Variants in MAN1C1 observed in about 807,000 individuals in gnomAD.
The protein encoded by MAN1C1 is mannosidase alpha class 1C member 1, also known as mannosyl-oligosaccharide 1,2-alpha-mannosidase IC.
Under a neutral mutation model 71.5 loss-of-function variants are expected in MAN1C1, and 49 were observed. The observed-to-expected ratio is 0.69, with a 90% CI of 0.54 to 0.87. The LOEUF (loss-of-function observed/expected upper bound fraction) is 0.87, where lower values mean the gene tolerates loss of function less well. Ranked by LOEUF, MAN1C1 falls within the 40% of genes least tolerant of loss-of-function variation. MAN1C1 has a pLI of 0.00. For missense variants in MAN1C1, 743 were observed against 835.0 expected (o/e 0.89, Z 1.36); for synonymous variants, 352 against 343.7 (o/e 1.02, Z -0.27).
intron 2 of MAN1C1, among the ~76,000 whole-genome samples, chr1:25,719,620 G>T (rs895497117): frequency 6.6e-6 from 1 of 151,134 alleles, no homozygotes; most frequent in Non-Finnish European, 1.5e-5. Context: ...TAGAGACAGG[G>T]TTTCACAATG....
In MAN1C1 at chr1:25,631,450, A is replaced by T. The variant is rs1236558391; in HGVS notation, c.540+13113A>T. Among the ~76,000 whole-genome samples the T allele has an allele frequency of 6.6e-6, 1 of 152,140 alleles. No homozygotes were observed. The highest frequency in any genetic ancestry group is 1.5e-5 in the Non-Finnish European group (1 of 68,022). On this transcript the variant is annotated intron_variant, in intron 1 of 11. Transcript: ENST00000374332. The surrounding 1 kb of genome is among the most constrained non-coding windows in gnomAD (Gnocchi z 4.2). ...TGGTTTGTTGAGAGTTTTTTTTATC[A>T]TAAAAGGATGCTGGATCTTATTGAA... is the stretch of plus-strand genomic sequence containing the variant.
At chr1:25,681,693 A>G (rs2046157007) in intron 1 of MAN1C1, among the ~76,000 whole-genome samples, 3 of 152,190 alleles carry the variant, frequency 2.0e-5, no homozygotes, top group South Asian at 2.1e-4. Flanking sequence ...TGGTAACTCC[A>G]TATTTAACTT....
intron 2 of MAN1C1, among the ~76,000 whole-genome samples, chr1:25,744,954 C>G (rs1353927474): frequency 2.6e-5 from 4 of 152,226 alleles, no homozygotes; most frequent in African/African-American, 7.2e-5. Flanking sequence ...GGGTTACACT[C>G]TGGTCCCTAA....
intron 2 of MAN1C1, among the ~76,000 whole-genome samples, chr1:25,740,442 T>TGTC (rs1296355315): frequency 2.2e-4 from 33 of 151,940 alleles, no homozygotes; most frequent in African/African-American, 8.0e-4. Flanking sequence ...TTGTTGTTGT[T>TGTC]GTCGTTGTTG....
At chr1:25,704,275 A>G (rs2046487536) in intron 2 of MAN1C1, among the ~76,000 whole-genome samples, 4 of 152,318 alleles carry the variant, frequency 2.6e-5, no homozygotes, top group East Asian at 3.9e-4. Flanking sequence ...TTTGGAGAAC[A>G]GCTCTGCAAT....
At chr1:25,754,718 G>T (rs563345572) in intron 5 of MAN1C1, among the ~76,000 whole-genome samples, 1 of 152,236 alleles carries the variant, frequency 6.6e-6, no homozygotes, top group East Asian at 1.9e-4. Context: ...CCCTCCCCGG[G>T]TCTGGGGTAG....
At chr1:25,774,517 C>T (rs995935474) in intron 8 of MAN1C1, among the ~76,000 whole-genome samples, 4 of 152,182 alleles carry the variant, frequency 2.6e-5, no homozygotes, top group Non-Finnish European at 4.4e-5. Flanking sequence ...TTGCCTGAAA[C>T]CCCTCCCGCG....
In MAN1C1 at chr1:25,771,768, T is replaced by C. The variant is rs758699719; in HGVS notation, c.1253T>C (p.Leu418Ser). 2.7e-5 allele frequency: 43 copies of C among 1,611,320 alleles called. No individual in the cohort carries two copies. The highest frequency in any genetic ancestry group is 3.7e-5 in the Non-Finnish European group (43 of 1,177,646). Reference sequence around the variant, plus strand: ...GCTAAAAATATGTACTACGAAGCCTTGGAGGTAAGACAAGCCCTGGATTAT... The same window carrying C: ...GCTAAAAATATGTACTACGAAGCCTCGGAGGTAAGACAAGCCCTGGATTAT... ...MEAKNMYYEA[L>S]EAIETYLLNV... The change falls in exon 8 of 12, where the codon TTG becomes TCG. Residue 418 changes from leucine (L) to serine (S), a missense_variant. By Grantham distance (145) the Leu-to-Ser change is moderately radical (BLOSUM62 -2). Transcript: ENST00000374332.
intron 1 of MAN1C1, among the ~76,000 whole-genome samples, chr1:25,682,853 C>A (rs1052019375): frequency 1.3e-5 from 2 of 152,012 alleles, no homozygotes; most frequent in African/African-American, 2.4e-5. Flanking sequence ...ACCTGGCCAA[C>A]ATGGTGAAAC....
rs140242115 is a variant in MAN1C1, at chr1:25,775,857, T to G, written c.1258-2248T>G. 9 of 152,666 alleles carry G rather than the reference T, an allele frequency of 5.9e-5. No homozygotes were observed. Among genetic ancestry groups the G allele is most frequent in the African/African-American group, 2.2e-4 (9 of 41,560 alleles). 9.5% of individuals were successfully genotyped at this position (152,666 alleles called of 1,614,324 possible). ...TACAGCACTGCCCCCACCCCAGTTT[T>G]TTTTGTTTTGTTTTGTTTTCTTGGG... On this transcript the variant is annotated intron_variant, in intron 8 of 11. Coordinates refer to ENST00000374332, the MANE Select transcript of MAN1C1 (RefSeq NM_020379.4). This position sits in a 1 kb window ranked among gnomAD's most constrained non-coding sequence, Gnocchi z 5.1.
chr1:25,768,804 C>T (rs1381798183), intron 7 of MAN1C1, among the ~76,000 whole-genome samples: 3 of 148,330 alleles, frequency 2.0e-5, no homozygotes, highest in East Asian at 2.0e-4. Context: ...ACACACACTG[C>T]GCTCACACAT....
chr1:25,689,841 C>T (rs979445364), intron 2 of MAN1C1, among the ~76,000 whole-genome samples: 44 of 152,190 alleles, frequency 2.9e-4, no homozygotes, highest in Non-Finnish European at 1.3e-4. Context: ...CCCTGAGCAG[C>T]GCCCCGCCTC....
intron 1 of MAN1C1, among the ~76,000 whole-genome samples, chr1:25,670,598 C>G (rs2045981005): frequency 6.6e-6 from 1 of 152,218 alleles, no homozygotes; most frequent in South Asian, 2.1e-4. Context: ...TCGTTTGATG[C>G]TGTGTGTGCC....
intron 7 of MAN1C1, among the ~76,000 whole-genome samples, chr1:25,768,016 G>C (rs1169372731): frequency 3.7e-5 from 2 of 53,534 alleles, no homozygotes; most frequent in African/African-American, 8.2e-5. Flanking sequence ...CACACACACA[G>C]ACCCACACAC....
At position 25,781,123 on chromosome 1, in the gene MAN1C1, C is replaced by T; in HGVS notation, c.1650+11C>T. ...TGGGAGGTGGTGCTGGTGAGTGGGCCCCAGGGATGGGCAGCAAGGTGCTAG... is the reference window on the plus strand; with the variant it reads ...TGGGAGGTGGTGCTGGTGAGTGGGCTCCAGGGATGGGCAGCAAGGTGCTAG... On this transcript the variant is annotated intron_variant, in intron 10 of 11. Coordinates refer to ENST00000374332, the MANE Select transcript of MAN1C1 (RefSeq NM_020379.4). The T allele has an allele frequency of 6.2e-7, 1 of 1,612,822 alleles. No individual in the cohort carries two copies. The highest frequency in any genetic ancestry group is 8.5e-7 in the Non-Finnish European group (1 of 1,179,310).
At chr1:25,690,355 C>T (rs953164576) in intron 2 of MAN1C1, among the ~76,000 whole-genome samples, 3 of 140,802 alleles carry the variant, frequency 2.1e-5, no homozygotes, top group East Asian at 4.2e-4. Flanking sequence ...TGCAGTAGTG[C>T]GATCTCAGCT....
At chr1:25,625,540 G>A (rs753429967) in intron 1 of MAN1C1, among the ~76,000 whole-genome samples, 2 of 152,160 alleles carry the variant, frequency 1.3e-5, no homozygotes, top group Non-Finnish European at 2.9e-5. Flanking sequence ...AGTAAGCCAG[G>A]TACAATGGCT....
intron 1 of MAN1C1, among the ~76,000 whole-genome samples, chr1:25,681,845 G>A (rs1210943385): frequency 6.6e-6 from 1 of 151,922 alleles, no homozygotes; most frequent in Non-Finnish European, 1.5e-5. Flanking sequence ...GGGACTAATA[G>A]GTTTTTAAGT....
In MAN1C1 at chr1:25,617,065, C is replaced by T. The variant is rs2045108885; in HGVS notation, c.-733C>T. Among the ~76,000 whole-genome samples the T allele has an allele frequency of 6.6e-6, 1 of 151,904 alleles. No homozygotes were observed. Among genetic ancestry groups the T allele is most frequent in the South Asian group, 2.1e-4 (1 of 4,822 alleles). ...CGCATCTGCAGCCGCCCAGCCGCGGCTCCGGACCCAGGCATCCCTGCGCTG... is the reference window on the plus strand; with the variant it reads ...CGCATCTGCAGCCGCCCAGCCGCGGTTCCGGACCCAGGCATCCCTGCGCTG... On this transcript the variant is annotated 5_prime_UTR_variant, in exon 1 of 12. Coordinates refer to ENST00000374332, the MANE Select transcript of MAN1C1 (RefSeq NM_020379.4). This position sits in a 1 kb window ranked among gnomAD's most constrained non-coding sequence, Gnocchi z 5.1.
Sources: allele counts gnomAD v4.1 joint callset (sites outside exome capture counted in the v4.1 genomes callset), GRCh38; gene constraint gnomAD v4.1.1; non-coding constraint Gnocchi (gnomAD v3.1); transcripts MANE v1.5; gene names NCBI Gene and HGNC (gene_info 2026-07-23, HGNC 2026-07-21).